PAX7: variants seen among roughly 807,000 people sequenced by gnomAD.
PAX7 encodes paired box protein Pax-7.
Under a neutral mutation model 50.7 loss-of-function variants are expected in PAX7, and 18 were observed. The ratio of observed to expected loss-of-function variants is 0.36; its 90% CI spans 0.25 to 0.53. The LOEUF (loss-of-function observed/expected upper bound fraction) is 0.53. PAX7 is among the 20% of genes least tolerant of loss of function. The pLI is 0.93. For missense variants in PAX7, 644 were observed against 702.9 expected, an observed-to-expected ratio of 0.92 and a Z score of 0.95; for synonymous variants, 310 against 290.4, an observed-to-expected ratio of 1.07 and a Z score of -0.69.
chr1:18,704,299 A>C (rs1220937991), intron 7 of PAX7, among the ~76,000 whole-genome samples: 2 of 152,172 alleles, frequency 1.3e-5, no homozygotes, highest in African/African-American at 4.8e-5. Flanking sequence ...CTTTTTTGCC[A>C]CCACAGCAGA....
At chr1:18,661,155 C>A (rs1454056249) in intron 4 of PAX7, among the ~76,000 whole-genome samples, 1 of 152,116 alleles carries the variant, frequency 6.6e-6, no homozygotes, top group Non-Finnish European at 1.5e-5. Flanking sequence ...TGAAACAGAA[C>A]AACGTGGGTC....
chr1:18,693,644 G>C (rs2089108863), intron 5 of PAX7, among the ~76,000 whole-genome samples: 1 of 152,222 alleles, frequency 6.6e-6, no homozygotes, highest in Non-Finnish European at 1.5e-5. Context: ...GACCCCAAGG[G>C]GAAAGAGGCG....
In PAX7 at chr1:18,743,520, C is replaced by G. The variant is rs142668261; in HGVS notation, c.1403-1294C>G. ...AGAACAAGTGTTGAACCAGGCCTTG[C>G]AATTCTTAACACAGTGTTCTTTCCA... On this transcript the variant is annotated intron_variant, in intron 8 of 8. Coordinates refer to ENST00000420770, the MANE Select transcript of PAX7 (RefSeq NM_001135254.2). Among the ~76,000 whole-genome samples the G allele has an allele frequency of 4.7e-3, 709 of 152,362 alleles. 4 individuals carry two copies. The highest frequency in any genetic ancestry group is 0.016 in the African/African-American group (648 of 41,594).
rs201646320 is a variant in PAX7 at position 18,723,278 on chromosome 1, ATG to A, written c.1156-12352_1156-12351del. ...GGGGTGGGGTGTAATATAGAGTTTA[ATG>A]TATTCTCTTTGAGATGCATTCTTTG... On this transcript the variant is annotated intron_variant, in intron 7 of 8. Coordinates refer to ENST00000420770, the MANE Select transcript of PAX7 (RefSeq NM_001135254.2). Among the ~76,000 whole-genome samples the A allele has an allele frequency of 1.2e-3, 184 of 152,266 alleles. 6 individuals carry two copies. In the East Asian group the frequency reaches 0.033, roughly 27 times the overall value.
intron 4 of PAX7, among the ~76,000 whole-genome samples, chr1:18,680,489 C>T (rs1054182886): frequency 1.3e-5 from 2 of 152,182 alleles, no homozygotes; most frequent in Non-Finnish European, 2.9e-5. Context: ...CTCCCCTCCT[C>T]CTTTCTGTCT....
intron 7 of PAX7, among the ~76,000 whole-genome samples, chr1:18,729,976 G>T (rs2089626063): frequency 6.6e-6 from 1 of 152,152 alleles, no homozygotes; most frequent in African/African-American, 2.4e-5. Flanking sequence ...GCTGTTCCCA[G>T]AGTCTGCTTC....
At chr1:18,695,766 G>A (rs1220656700) in intron 5 of PAX7, among the ~76,000 whole-genome samples, 3 of 152,196 alleles carry the variant, frequency 2.0e-5, no homozygotes, top group African/African-American at 4.8e-5. Flanking sequence ...CCCTGAGCCT[G>A]TGAATTTCTT....
rs1570254536 is a variant in PAX7, at chr1:18,744,983, C to A, written c.*54C>A. On this transcript the variant is annotated 3_prime_UTR_variant, in exon 9 of 9. Coordinates refer to ENST00000420770, the MANE Select transcript of PAX7 (RefSeq NM_001135254.2). ...ATTCCCAGCCCAACCCTAACTGACC[C>A]CTGAGCTTCCCAGCCTTGCCGCCTC... is the stretch of plus-strand genomic sequence containing the variant. 4.8e-6 allele frequency: 5 copies of A among 1,050,854 alleles called. No homozygotes were observed. Among genetic ancestry groups the A allele is most frequent in the African/African-American group, 3.2e-5 (2 of 63,064 alleles). The allele number at this position is 1,050,854 out of a possible 1,614,324, so 65.1% of individuals were successfully genotyped here.
At chr1:18,736,190 C>A (rs1041060811) in intron 8 of PAX7, 3 of 587,156 alleles carry the variant, frequency 5.1e-6, no homozygotes, top group South Asian at 2.1e-5. Context: ...ACAGGCCAGG[C>A]GTGGTGGCTC....
chr1:18,647,183 C>A (rs976593885), intron 4 of PAX7, among the ~76,000 whole-genome samples: 3 of 152,114 alleles, frequency 2.0e-5, no homozygotes, highest in African/African-American at 4.8e-5. Context: ...GTCAGCTGCC[C>A]GCGCCGGCCA....
At chr1:18,718,089 G>A (rs930120848) in intron 7 of PAX7, among the ~76,000 whole-genome samples, 1 of 152,200 alleles carries the variant, frequency 6.6e-6, no homozygotes, top group Non-Finnish European at 1.5e-5. Context: ...CCAAAAGGGA[G>A]CCCTCATGAT....
intron 1 of PAX7, among the ~76,000 whole-genome samples, chr1:18,631,950 G>T (rs895075533): frequency 1.3e-5 from 2 of 152,204 alleles, no homozygotes; most frequent in African/African-American, 4.8e-5. Context: ...TGAAATTCTG[G>T]TAGATTTGGA....
intron 8 of PAX7, among the ~76,000 whole-genome samples, chr1:18,739,508 C>T (rs1456477050): frequency 6.6e-6 from 1 of 152,242 alleles, no homozygotes; most frequent in Non-Finnish European, 1.5e-5. Flanking sequence ...CATCCTTATG[C>T]CACCCTATGC....
At chr1:18,738,089 A>T (rs1334492009) in intron 8 of PAX7, among the ~76,000 whole-genome samples, 1 of 152,120 alleles carries the variant, frequency 6.6e-6, no homozygotes, top group Non-Finnish European at 1.5e-5. Flanking sequence ...CTGTGTGTAC[A>T]TGTGTATGGA....
chr1:18,690,185 AG>A (rs1306786721), intron 4 of PAX7, among the ~76,000 whole-genome samples: 1 of 152,204 alleles, frequency 6.6e-6, no homozygotes, highest in African/African-American at 2.4e-5. Context: ...TAAATGCTTT[AG>A]GGGAAGGAGT....
In PAX7 at chr1:18,703,270, C is replaced by T; in HGVS notation, c.1129C>T (p.Pro377Ser). Residue 377 changes from proline (P) to serine (S), a missense_variant, in exon 7 of 9, where the codon CCG becomes TCG. By Grantham distance (74) the Pro-to-Ser change is moderately conservative. Transcript: ENST00000420770. ...NPAAPSNHMN[P>S]VSNGLSPQVM... Reference sequence around the variant, plus strand: ...GGCGGCGCCCTCCAACCACATGAACCCGGTCAGCAACGGCCTGTCTCCTCA... The same window carrying T: ...GGCGGCGCCCTCCAACCACATGAACTCGGTCAGCAACGGCCTGTCTCCTCA... The T allele has an allele frequency of 6.2e-7, 1 of 1,614,172 alleles. No individual in the cohort carries two copies. The highest frequency in any genetic ancestry group is 8.5e-7 in the Non-Finnish European group (1 of 1,180,026).
At chr1:18,718,599 A>C (rs1328349590) in intron 7 of PAX7, among the ~76,000 whole-genome samples, 9 of 150,414 alleles carry the variant, frequency 6.0e-5, no homozygotes, top group African/African-American at 2.0e-4. Context: ...ACCTCAGTGC[A>C]CCTGGGGGTC....
At chr1:18,732,433 A>G (rs1302346968) in intron 7 of PAX7, among the ~76,000 whole-genome samples, 1 of 152,202 alleles carries the variant, frequency 6.6e-6, no homozygotes, top group Non-Finnish European at 1.5e-5. Flanking sequence ...GACTACAGAG[A>G]CGGACAAAAT....
chr1:18,655,153 A>G (rs2088494467), intron 4 of PAX7, among the ~76,000 whole-genome samples: 1 of 152,170 alleles, frequency 6.6e-6, no homozygotes, highest in Non-Finnish European at 1.5e-5. Context: ...TGCAAAAAAT[A>G]AAGACTGTTA....
Sources: allele counts gnomAD v4.1 joint callset (sites outside exome capture counted in the v4.1 genomes callset), GRCh38; gene constraint gnomAD v4.1.1; transcripts MANE v1.5; gene names NCBI Gene and HGNC (gene_info 2026-07-23, HGNC 2026-07-21).